The following EFCAB8 variants were observed in gnomAD, a reference collection of about 807,000 sequenced individuals.
EFCAB8 encodes EF-hand calcium binding domain 8, also known as EF-hand calcium-binding domain-containing protein 8.
Under a neutral mutation model 116.3 loss-of-function variants are expected in EFCAB8, and 100 were observed. The observed-to-expected ratio is 0.86, with a 90% CI of 0.73 to 1.02. EFCAB8 has a LOEUF of 1.02. EFCAB8 is among the 50% of genes least tolerant of loss of function. The pLI, the probability that EFCAB8 is intolerant of heterozygous loss-of-function variation, is 0.00. For missense variants in EFCAB8, 1,320 were observed against 1,416.9 expected, an observed-to-expected ratio of 0.93 and a Z score of 1.10; for synonymous variants, 558 against 567.9, an observed-to-expected ratio of 0.98 and a Z score of 0.25.
chr20:32,943,516 C>T (rs1325851187), intron 22 of EFCAB8, 120 bp from the exon 23 acceptor site: 23 of 414,882 alleles, frequency 5.5e-5, no homozygotes, highest in Non-Finnish European at 5.8e-5. Flanking sequence ...AGAACTAGAA[C>T]GCTAGCCTGT....
intron 20 of EFCAB8, among the ~76,000 whole-genome samples, chr20:32,927,501 T>C (rs1220787822): frequency 6.6e-6 from 1 of 152,110 alleles, no homozygotes; most frequent in Admixed American, 6.5e-5. Flanking sequence ...CCCGCCACCA[T>C]GCCCAGCTGA....
intron 5 of EFCAB8, among the ~76,000 whole-genome samples, chr20:32,881,518 C>T (rs976698144): frequency 1.3e-5 from 2 of 152,222 alleles, no homozygotes; most frequent in African/African-American, 2.4e-5. Context: ...GCTCTGAGAA[C>T]TCCTTCGAGT....
chr20:32,903,231 G>A (rs1324396540), intron 11 of EFCAB8, among the ~76,000 whole-genome samples: 2 of 152,122 alleles, frequency 1.3e-5, no homozygotes, highest in African/African-American at 2.4e-5. Flanking sequence ...TGCTCCCTCC[G>A]GCTGAAGCCT....
chr20:32,898,208 T>C (rs1986255900), intron 10 of EFCAB8, among the ~76,000 whole-genome samples: 1 of 152,172 alleles, frequency 6.6e-6, no homozygotes, highest in Non-Finnish European at 1.5e-5. Context: ...TCGTGGGAGA[T>C]GATTAGTATG....
intron 8 of EFCAB8, among the ~76,000 whole-genome samples, chr20:32,892,961 C>T (rs1985990320): frequency 6.6e-6 from 1 of 151,946 alleles, no homozygotes; most frequent in African/African-American, 2.4e-5. Context: ...CTGCCTCAGC[C>T]TCCTGAGTAG....
At chr20:32,960,290 A>C in intron 26 of EFCAB8, 129 bp downstream of exon 26, 1 of 885,020 alleles carries the variant, frequency 1.1e-6, no homozygotes, top group Non-Finnish European at 1.8e-6. Context: ...GTCCTTTAAC[A>C]GGATTCTGGG....
Position 32,864,125 on chromosome 20 carries a change from T to G in EFCAB8, c.42+291T>G, listed in dbSNP as rs533268616. On this transcript the variant is annotated intron_variant, in intron 2 of 26. Transcript: ENST00000400522. ...CTGAGTAGCTAGGATTACAGGCATGTGCCACCATGCCCAGCTAATTTTTAT... is the reference window on the plus strand; with the variant it reads ...CTGAGTAGCTAGGATTACAGGCATGGGCCACCATGCCCAGCTAATTTTTAT... Among the ~76,000 whole-genome samples the G allele has an allele frequency of 3.9e-5, 6 of 152,088 alleles. No homozygotes were observed. In the South Asian group the frequency reaches 1.2e-3, roughly 32 times the overall value.
chr20:32,920,954 C>T (rs1436078164), intron 20 of EFCAB8, among the ~76,000 whole-genome samples: 1 of 152,134 alleles, frequency 6.6e-6, no homozygotes, highest in Non-Finnish European at 1.5e-5. Context: ...ATGGGTTCAT[C>T]TTTGTTCTTC....
chr20:32,872,352 A>G (rs1300746042), intron 3 of EFCAB8, among the ~76,000 whole-genome samples: 1 of 152,176 alleles, frequency 6.6e-6, no homozygotes, highest in African/African-American at 2.4e-5. Flanking sequence ...ATGAAGTGCC[A>G]TCACCGGCAC....
intron 23 of EFCAB8, among the ~76,000 whole-genome samples, chr20:32,946,111 C>T (rs1018170077): frequency 2.0e-5 from 3 of 152,196 alleles, no homozygotes; most frequent in African/African-American, 2.4e-5. Context: ...TTCCACAGAG[C>T]GGCAGGAGGG....
At chr20:32,898,200 G>A (rs894418719) in intron 10 of EFCAB8, among the ~76,000 whole-genome samples, 38 of 152,320 alleles carry the variant, frequency 2.5e-4, no homozygotes, top group African/African-American at 7.7e-4. Context: ...TTCTCTCCTC[G>A]TGGGAGATGA....
At chr20:32,920,284 A>G in intron 20 of EFCAB8, 69 bp downstream of exon 20, 2 of 1,525,282 alleles carry the variant, frequency 1.3e-6, no homozygotes. Context: ...GGTGGTCAGG[A>G]TGGGGCTCGG....
chr20:32,947,914 A>G (rs550337812), intron 23 of EFCAB8, among the ~76,000 whole-genome samples: 5 of 151,580 alleles, frequency 3.3e-5, no homozygotes, highest in Admixed American at 6.6e-5. Context: ...AAAAAAAAAA[A>G]AAAAGAAAAA....
At chr20:32,867,035 A>G (rs995750649) in intron 2 of EFCAB8, among the ~76,000 whole-genome samples, 2 of 151,800 alleles carry the variant, frequency 1.3e-5, no homozygotes, top group Non-Finnish European at 2.9e-5. Flanking sequence ...CTCCTGCCTC[A>G]GCCTCCTGAG....
At chr20:32,912,221 G>C (rs567039455) in intron 16 of EFCAB8, among the ~76,000 whole-genome samples, 3 of 152,070 alleles carry the variant, frequency 2.0e-5, no homozygotes, top group Non-Finnish European at 4.4e-5. Context: ...GGGATCACCT[G>C]AGGCCAGGAG....
chr20:32,908,501 G>A (rs949552200), intron 14 of EFCAB8, 89 bp downstream of exon 14: 14 of 1,222,212 alleles, frequency 1.1e-5, no homozygotes, highest in Middle Eastern at 2.7e-4. Context: ...GGGTGGCCAC[G>A]TCCTGTCCCT....
intron 6 of EFCAB8, among the ~76,000 whole-genome samples, chr20:32,887,445 G>A (rs1187906185): frequency 1.3e-5 from 2 of 152,086 alleles, no homozygotes; most frequent in Admixed American, 6.5e-5. Context: ...GCGTAGTGGC[G>A]CACCCCTGTA....
chr20:32,912,265 C>T (rs922615036), intron 16 of EFCAB8, among the ~76,000 whole-genome samples: 4 of 151,846 alleles, frequency 2.6e-5, no homozygotes, highest in Non-Finnish European at 5.9e-5. Flanking sequence ...GGTGAAACTC[C>T]CGTCTCTGCC....
At chr20:32,877,207 C>A (rs369740305) in intron 4 of EFCAB8, among the ~76,000 whole-genome samples, 75 of 115,052 alleles carry the variant, frequency 6.5e-4, no homozygotes, top group African/African-American at 1.8e-3. Context: ...TTATTTCTTT[C>A]TTTTTTTTTT....
Sources: allele counts gnomAD v4.1 joint callset (sites outside exome capture counted in the v4.1 genomes callset), GRCh38; gene constraint gnomAD v4.1.1; transcripts MANE v1.5; gene names NCBI Gene and HGNC (gene_info 2026-07-23, HGNC 2026-07-21).